ZNF341: variants seen among roughly 807,000 people sequenced by gnomAD.
The protein encoded by ZNF341 is zinc finger protein 341.
ZNF341 carries 52 observed loss-of-function variants against 87.7 expected under a neutral mutation model. That is an observed-to-expected ratio of 0.59 (90% CI 0.47 to 0.75). The LOEUF (loss-of-function observed/expected upper bound fraction) is 0.75, where lower values mean the gene tolerates loss of function less well. Ranked by LOEUF, ZNF341 falls within the 30% of genes least tolerant of loss-of-function variation. The pLI is 0.00. For synonymous variants in ZNF341, 459 were observed against 472.7 expected, an observed-to-expected ratio of 0.97 and a Z score of 0.38; for missense variants, 977 against 1,145.9, an observed-to-expected ratio of 0.85 and a Z score of 2.13.
intron 14 of ZNF341, among the ~76,000 whole-genome samples, chr20:33,790,361 C>T (rs2019979084): frequency 6.6e-6 from 1 of 152,070 alleles, no homozygotes; most frequent in Non-Finnish European, 1.5e-5. Flanking sequence ...GTGTGAGCCA[C>T]CGGCGCCTGG....
intron 14 of ZNF341, 145 bp from the exon 15 acceptor site, chr20:33,790,843 G>T (rs1233115592): frequency 1.0e-6 from 1 of 979,562 alleles, no homozygotes; most frequent in East Asian, 2.6e-5. Flanking sequence ...GTGGCTGGAA[G>T]AAGGCAGACG....
chr20:33,782,532 C>T (rs1459382168), intron 11 of ZNF341, among the ~76,000 whole-genome samples: 1 of 152,166 alleles, frequency 6.6e-6, no homozygotes, highest in African/African-American at 2.4e-5. Flanking sequence ...ATTATCTAAC[C>T]TAATTTTAAG....
intron 12 of ZNF341, among the ~76,000 whole-genome samples, chr20:33,785,889 G>A (rs781400724): frequency 1.3e-4 from 20 of 152,018 alleles, no homozygotes; most frequent in Admixed American, 1.3e-4. Context: ...CAGTTCCCCT[G>A]GAGGCTAAAT....
Position 33,788,960 on chromosome 20 carries a change from C to T in ZNF341, c.1950C>T (p.Tyr650=), listed in dbSNP as rs759074732. 1 of 1,612,738 alleles carries T rather than the reference C, an allele frequency of 6.2e-7. No individual in the cohort carries two copies. Among genetic ancestry groups the T allele is most frequent in the Non-Finnish European group, 8.5e-7 (1 of 1,179,252 alleles). The change falls in exon 13 of 15, where the codon TAC becomes TAT. Residue 650 remains tyrosine (Y), a synonymous_variant. Transcript: ENST00000375200. ...HMLIHEPFKK[Y]KCPFSTHTGC... Reference sequence around the variant, plus strand: ...TGATCCACGAGCCCTTCAAGAAATACAAATGCCCTTTCTCGTGAGTAGAGA... The same window carrying T: ...TGATCCACGAGCCCTTCAAGAAATATAAATGCCCTTTCTCGTGAGTAGAGA...
intron 10 of ZNF341, among the ~76,000 whole-genome samples, chr20:33,775,469 A>C (rs1029207717): frequency 1.5e-4 from 22 of 151,222 alleles, no homozygotes; most frequent in Admixed American, 5.9e-4. Context: ...TCGGCCTCCC[A>C]AAGTGCTAGG....
intron 10 of ZNF341, among the ~76,000 whole-genome samples, chr20:33,776,046 TTATG>T (rs1482154100): frequency 6.6e-6 from 1 of 151,964 alleles, no homozygotes; most frequent in African/African-American, 2.4e-5. Flanking sequence ...TGAATTTAAC[TTATG>T]TATGTATTTT....
intron 8 of ZNF341, among the ~76,000 whole-genome samples, chr20:33,763,791 C>G (rs1210657543): frequency 6.6e-6 from 1 of 152,110 alleles, no homozygotes; most frequent in Non-Finnish European, 1.5e-5. Flanking sequence ...GCTCCTATCC[C>G]TGATATTGAT....
At chr20:33,751,122 C>T (rs934430659) in intron 4 of ZNF341, among the ~76,000 whole-genome samples, 16 of 152,114 alleles carry the variant, frequency 1.1e-4, no homozygotes, top group Admixed American at 2.6e-4. Flanking sequence ...ATGGATAGGC[C>T]ATCTTCTGCT....
Position 33,749,124 on chromosome 20 carries a change from A to C in ZNF341, c.489+52A>C, listed in dbSNP as rs751552227. 2.6e-6 allele frequency: 4 copies of C among 1,553,690 alleles called. No individual in the cohort carries two copies. In the South Asian group the frequency reaches 4.8e-5, roughly 19 times the overall value. On this transcript the variant is annotated intron_variant, in intron 4 of 14. Transcript: ENST00000375200. Reference sequence around the variant, plus strand: ...GTCTTGATTCCAGACCTGTACATTAACTCCTGCAGATTCAGAATCTTGTAG... The same window carrying C: ...GTCTTGATTCCAGACCTGTACATTACCTCCTGCAGATTCAGAATCTTGTAG...
rs2019421757 is a variant in ZNF341, at chr20:33,767,032, G to A, written c.1404G>A (p.Lys468=). ...FQLKSHMTQH[K]NEQVYKCVVK... Reference sequence around the variant, plus strand: ...TCAAGTCTCACATGACCCAGCATAAGAATGAGCAGGTAGGTGGATGGTGGC... The same window carrying A: ...TCAAGTCTCACATGACCCAGCATAAAAATGAGCAGGTAGGTGGATGGTGGC... The change falls in exon 9 of 15, where the codon AAG becomes AAA. Residue 468 remains lysine (K), a synonymous_variant. Coordinates refer to ENST00000375200, the MANE Select transcript of ZNF341 (RefSeq NM_001282933.2). 2 of 1,612,504 alleles carry A rather than the reference G, an allele frequency of 1.2e-6. No individual in the cohort carries two copies. Among genetic ancestry groups the A allele is most frequent in the Non-Finnish European group, 1.7e-6 (2 of 1,179,058 alleles).
rs559128620 is a variant in ZNF341 at position 33,741,393 on chromosome 20, CT to C, written c.142+395del. On this transcript the variant is annotated intron_variant, in intron 2 of 14. Transcript: ENST00000375200. Reference sequence around the variant, plus strand: ...ACTGGGCCAGGCCTGTAAGGGTCTTCTTTTTTTTTTTTTTCTTTTTTTTCTT... The same window carrying C: ...ACTGGGCCAGGCCTGTAAGGGTCTTCTTTTTTTTTTTTTCTTTTTTTTCTT... Among the ~76,000 whole-genome samples the C allele has an allele frequency of 3.7e-3, 520 of 141,816 alleles. 1 individual carries two copies. The highest frequency in any genetic ancestry group is 8.6e-3 in the African/African-American group (333 of 38,906). 93.0% of individuals were successfully genotyped at this position (141,816 alleles called of 152,430 possible). A position where few individuals can be genotyped will look rare whatever the true frequency, so the allele number is the denominator to read the frequency against.
At position 33,791,253 on chromosome 20, in the gene ZNF341, G is replaced by T. The variant is rs1179952965; in HGVS notation, c.2301G>T (p.Leu767Phe). 1 of 1,611,854 alleles carries T rather than the reference G, an allele frequency of 6.2e-7. No individual in the cohort carries two copies. The highest frequency in any genetic ancestry group is 2.2e-5 in the East Asian group (1 of 44,874). ...GTGGGCGCAAGGTGCTGACCCCCTT[G>T]CCTGACCCGCTGGGGCTGGAGGAGC... ...GSGGRKVLTP[L>F]PDPLGLEELK... is the part of the protein sequence containing the mutation. Residue 767 changes from leucine (L) to phenylalanine (F), a missense_variant, in exon 15 of 15, where the codon TTG becomes TTT. This residue lies in a region of ZNF341 where 221 missense variants were observed against 212.7 expected (regional missense o/e 1.04). Coordinates refer to ENST00000375200, the MANE Select transcript of ZNF341 (RefSeq NM_001282933.2).
Position 33,791,787 on chromosome 20 carries a change from C to A in ZNF341, c.*270C>A. ...GTGGCAGGAGAGAGATGGCTGAAGC[C>A]TGAGCAGCCCAGAGTCCCGCTGGTC... On this transcript the variant is annotated 3_prime_UTR_variant, in exon 15 of 15. Transcript: ENST00000375200. 2.3e-6 allele frequency: 1 copy of A among 430,602 alleles called. No individual in the cohort carries two copies. Among genetic ancestry groups the A allele is most frequent in the African/African-American group, 2.0e-5 (1 of 50,964 alleles). 26.7% of individuals were successfully genotyped at this position (430,602 alleles called of 1,614,324 possible).
At chr20:33,734,212 G>GA (rs1364921327) in intron 1 of ZNF341, among the ~76,000 whole-genome samples, 1 of 152,238 alleles carries the variant, frequency 6.6e-6, no homozygotes, top group Non-Finnish European at 1.5e-5. Flanking sequence ...GCCCTGGGGA[G>GA]AAAGGTCTCC....
Position 33,732,120 on chromosome 20 carries a change from G to A in ZNF341, c.31+68G>A. On this transcript the variant is annotated intron_variant, in intron 1 of 14. Coordinates refer to ENST00000375200, the MANE Select transcript of ZNF341 (RefSeq NM_001282933.2). This position sits in a 1 kb window ranked among gnomAD's most constrained non-coding sequence, Gnocchi z 4.5. ...CGCCCCCTCCCGCCGCGCCCTCGCA[G>A]CGCCCGGCCTAGGGCGCGCAGCGGC... 1 of 1,097,716 alleles carries A rather than the reference G, an allele frequency of 9.1e-7. No homozygotes were observed. The allele number at this position is 1,097,716 out of a possible 1,614,324, so 68.0% of individuals were successfully genotyped here. A position where few individuals can be genotyped will look rare whatever the true frequency, so the allele number is the denominator to read the frequency against.
rs942278484 is a variant in ZNF341 at position 33,753,546 on chromosome 20, G to A, written c.741+123G>A. ...TGGGGATACCATGAAAACCAGACCCGGTCCTGGCCTTCATGGGGTGTACCA... is the reference window on the plus strand; with the variant it reads ...TGGGGATACCATGAAAACCAGACCCAGTCCTGGCCTTCATGGGGTGTACCA... On this transcript the variant is annotated intron_variant, in intron 5 of 14. Transcript: ENST00000375200. 55 of 1,319,692 alleles carry A rather than the reference G, an allele frequency of 4.2e-5. 1 individual carries two copies. The highest frequency in any genetic ancestry group is 1.0e-4 in the African/African-American group (7 of 67,452). The allele number at this position is 1,319,692 out of a possible 1,614,324, so 81.7% of individuals were successfully genotyped here. A position where few individuals can be genotyped will look rare whatever the true frequency, so the allele number is the denominator to read the frequency against.
At chr20:33,758,357 G>A (rs1016465749) in intron 6 of ZNF341, among the ~76,000 whole-genome samples, 1 of 152,212 alleles carries the variant, frequency 6.6e-6, no homozygotes, top group South Asian at 2.1e-4. Context: ...CATGCTTGAA[G>A]TCTTTTAAGG....
At chr20:33,786,783 C>T (rs1435229084) in intron 12 of ZNF341, among the ~76,000 whole-genome samples, 12 of 132,596 alleles carry the variant, frequency 9.1e-5, no homozygotes, top group African/African-American at 3.3e-4. Context: ...GCCTGGCCAA[C>T]GTGATGAAAC....
intron 11 of ZNF341, among the ~76,000 whole-genome samples, chr20:33,781,641 C>T (rs1047080164): frequency 1.3e-5 from 2 of 152,106 alleles, no homozygotes; most frequent in Admixed American, 1.3e-4. Flanking sequence ...AGTGTCTGAG[C>T]AGAAGCCTCC....
Sources: allele counts gnomAD v4.1 joint callset (sites outside exome capture counted in the v4.1 genomes callset), GRCh38; gene constraint gnomAD v4.1.1; regional missense constraint gnomAD v4.1.1; non-coding constraint Gnocchi (gnomAD v3.1); transcripts MANE v1.5; gene names NCBI Gene and HGNC (gene_info 2026-07-23, HGNC 2026-07-21).